DPYSL3: variants seen among roughly 807,000 people sequenced by gnomAD.
The protein encoded by DPYSL3 is dihydropyrimidinase-related protein 3.
DPYSL3 carries 16 observed loss-of-function variants against 66.1 expected under a neutral mutation model. The observed-to-expected ratio is 0.24, with a 90% CI of 0.16 to 0.37. DPYSL3 has a LOEUF of 0.37. Among genes scored for constraint, DPYSL3 ranks in the 10% least tolerant of loss-of-function variants. The probability of loss-of-function intolerance (pLI) is 1.00; values close to 1 mark genes in which losing one functional copy is unlikely to be tolerated. For synonymous variants in DPYSL3, 338 were observed against 345.1 expected (o/e 0.98, Z 0.23); for missense variants, 738 against 916.2 (o/e 0.81, Z 2.51).
intron 4 of DPYSL3, among the ~76,000 whole-genome samples, chr5:147,414,254 G>A (rs1751917748): frequency 6.6e-6 from 1 of 152,164 alleles, no homozygotes; most frequent in Non-Finnish European, 1.5e-5. Context: ...CAGGGTGTTG[G>A]ATCAGAAAGG....
At chr5:147,439,170 T>A (rs1752481925) in intron 1 of DPYSL3, among the ~76,000 whole-genome samples, 1 of 152,128 alleles carries the variant, frequency 6.6e-6, no homozygotes, top group Admixed American at 6.5e-5. Context: ...CAAAATAAAA[T>A]AAGGCACTGC....
Position 147,417,299 on chromosome 5 carries a change from A to G in DPYSL3, c.655+1148T>C, listed in dbSNP as rs72833338. On this transcript the variant is annotated intron_variant, in intron 3 of 13. Coordinates refer to ENST00000343218, the MANE Select transcript of DPYSL3 (RefSeq NM_001197294.2). ...TATCAAAAGCAGCCTGAGTGCACTTATCGGAAAGCAAATGCGTGGAGCTAC... is the reference window on the plus strand; with the variant it reads ...TATCAAAAGCAGCCTGAGTGCACTTGTCGGAAAGCAAATGCGTGGAGCTAC... 8.6e-3 allele frequency among the ~76,000 whole-genome samples: 1,310 copies of G among 152,304 alleles called. 7 individuals are homozygous for G. The highest frequency in any genetic ancestry group is 0.013 in the Non-Finnish European group (859 of 68,026).
intron 6 of DPYSL3, among the ~76,000 whole-genome samples, chr5:147,410,407 G>C (rs1232703778): frequency 1.3e-5 from 2 of 152,132 alleles, no homozygotes; most frequent in Admixed American, 6.5e-5. Context: ...GTCCTATTCT[G>C]AAGCCATGAT....
At chr5:147,484,963 C>T (rs542111564) in intron 1 of DPYSL3, among the ~76,000 whole-genome samples, 4 of 152,306 alleles carry the variant, frequency 2.6e-5, no homozygotes, top group South Asian at 2.1e-4. Flanking sequence ...AGCATCGTTC[C>T]TTACTTTTGC....
At chr5:147,396,382 G>A (rs1368610704) in intron 12 of DPYSL3, among the ~76,000 whole-genome samples, 4 of 152,152 alleles carry the variant, frequency 2.6e-5, no homozygotes, top group African/African-American at 9.7e-5. Context: ...TGGGAAACAC[G>A]GTACCTCCTG....
Position 147,509,729 on chromosome 5 carries a change from C to A in DPYSL3, c.130G>T (p.Ala44Ser). Residue 44 changes from alanine (A) to serine (S), a missense_variant, in exon 1 of 14, where the codon GCC (alanine) becomes TCC (serine). Transcript: ENST00000343218. This position sits in a 1 kb window ranked among gnomAD's most constrained non-coding sequence, Gnocchi z 5.3. ...AAATCCAGCGTCTTGCTCTCGAAGG[C>A]GCCCTCCACGTTGCAGAACATGCCG... ...YGGMFCNVEG[A>S]FESKTLDFDA... is the part of the protein sequence containing the mutation. The A allele has an allele frequency of 6.5e-7, 1 of 1,535,996 alleles. No homozygotes were observed. Among genetic ancestry groups the A allele is most frequent in the African/African-American group, 1.4e-5 (1 of 73,168 alleles).
Position 147,393,777 on chromosome 5 carries a change from A to AG in DPYSL3, c.*257dup, listed in dbSNP as rs1297323909. The AG allele has an allele frequency of 2.0e-6, 1 of 488,720 alleles. No individual in the cohort carries two copies. Among genetic ancestry groups the AG allele is most frequent in the East Asian group, 3.7e-5 (1 of 26,746 alleles). The allele number at this position is 488,720 out of a possible 1,614,324, so 30.3% of individuals were successfully genotyped here. A position where few individuals can be genotyped will look rare whatever the true frequency, so the allele number is the denominator to read the frequency against. The stretch of plus-strand genomic sequence containing the variant: ...ATGATAGAGCAGACTCTTTTACCTT[A>AG]GTGGCCTGTCTGATTGCATGCATGT... On this transcript the variant is annotated 3_prime_UTR_variant, in exon 14 of 14. Transcript: ENST00000343218.
intron 1 of DPYSL3, among the ~76,000 whole-genome samples, chr5:147,459,709 A>G (rs1012693138): frequency 4.6e-5 from 7 of 152,212 alleles, no homozygotes; most frequent in African/African-American, 1.7e-4. Context: ...CTCTAGACAG[A>G]GTTTCTCATT....
intron 1 of DPYSL3, among the ~76,000 whole-genome samples, chr5:147,481,156 C>T (rs569650627): frequency 2.0e-5 from 3 of 152,086 alleles, no homozygotes; most frequent in African/African-American, 7.2e-5. Context: ...TTAAACAGTC[C>T]TTGGTTTAAT....
At chr5:147,424,033 G>A (rs1165661395) in intron 2 of DPYSL3, among the ~76,000 whole-genome samples, 1 of 152,150 alleles carries the variant, frequency 6.6e-6, no homozygotes, top group Non-Finnish European at 1.5e-5. Flanking sequence ...CCGACCGCAA[G>A]CTGTTTTGAA....
chr5:147,452,438 T>TACACAC (rs35272843), intron 1 of DPYSL3, among the ~76,000 whole-genome samples: 171 of 142,130 alleles, frequency 1.2e-3, no homozygotes, highest in African/African-American at 3.7e-3. Context: ...ATTCCCCCAC[T>TACACAC]ACACACACAC....
chr5:147,482,481 G>T (rs1753265277), intron 1 of DPYSL3, among the ~76,000 whole-genome samples: 1 of 152,174 alleles, frequency 6.6e-6, no homozygotes, highest in Non-Finnish European at 1.5e-5. Flanking sequence ...CACATAATGT[G>T]TGGAGCTCAG....
intron 1 of DPYSL3, among the ~76,000 whole-genome samples, chr5:147,433,381 G>A (rs1240504654): frequency 6.6e-6 from 1 of 152,144 alleles, no homozygotes; most frequent in African/African-American, 2.4e-5. Flanking sequence ...CAGGAAACCA[G>A]ATATGGGTAA....
chr5:147,397,595 A>G (rs1758028509), intron 12 of DPYSL3, 71 bp downstream of exon 12: 4 of 1,508,324 alleles, frequency 2.7e-6, no homozygotes, highest in African/African-American at 2.8e-5. Context: ...CCCTGTGTTC[A>G]TGGTTACTAT....
intron 2 of DPYSL3, among the ~76,000 whole-genome samples, chr5:147,420,073 G>C (rs988031157): frequency 6.6e-6 from 1 of 152,072 alleles, no homozygotes; most frequent in Non-Finnish European, 1.5e-5. Flanking sequence ...ATCCCTCAAG[G>C]CTCAGCTTCC....
At chr5:147,462,220 AAAG>A (rs1259138540) in intron 1 of DPYSL3, among the ~76,000 whole-genome samples, 2 of 152,164 alleles carry the variant, frequency 1.3e-5, no homozygotes, top group African/African-American at 4.8e-5. Context: ...TTTCATCACA[AAAG>A]AAGATCAAAA....
chr5:147,422,271 T>C (rs1264505506), intron 2 of DPYSL3, among the ~76,000 whole-genome samples: 1 of 152,104 alleles, frequency 6.6e-6, no homozygotes, highest in African/African-American at 2.4e-5. Context: ...TACTGGTCAC[T>C]AGAGAAATGC....
chr5:147,431,681 C>T (rs1035325343), intron 1 of DPYSL3, among the ~76,000 whole-genome samples: 23 of 152,104 alleles, frequency 1.5e-4, no homozygotes, highest in Non-Finnish European at 2.2e-4. Flanking sequence ...ATTCCAGAGA[C>T]GCCAGTCCCC....
chr5:147,451,385 C>T (rs1193335834), intron 1 of DPYSL3, among the ~76,000 whole-genome samples: 1 of 152,216 alleles, frequency 6.6e-6, no homozygotes, highest in African/African-American at 2.4e-5. Context: ...AGGATGGAAG[C>T]CGCACTGAAA....
Sources: allele counts gnomAD v4.1 joint callset (sites outside exome capture counted in the v4.1 genomes callset), GRCh38; gene constraint gnomAD v4.1.1; non-coding constraint Gnocchi (gnomAD v3.1); transcripts MANE v1.5; gene names NCBI Gene and HGNC (gene_info 2026-07-23, HGNC 2026-07-21).